Variants in FHIT observed in about 807,000 individuals in gnomAD.
FHIT encodes the protein fragile histidine triad diadenosine triphosphatase.
In FHIT, 19 loss-of-function variants were observed where a neutral mutation model predicts 17.9. The observed-to-expected ratio is 1.06, with a 90% CI of 0.74 to 1.56. The LOEUF is 1.56. Ranked by LOEUF, FHIT falls within the 40% of genes most tolerant of loss-of-function variation. The probability of loss-of-function intolerance (pLI) is 0.00; values close to 1 mark genes in which losing one functional copy is unlikely to be tolerated. For missense variants in FHIT, 248 were observed against 189.2 expected (o/e 1.31, Z -1.82); for synonymous variants, 81 against 69.7 (o/e 1.16, Z -0.81).
rs1307890159 is a variant in FHIT at position 61,002,897 on chromosome 3, C to T, written c.-111+39150G>A. On this transcript the variant is annotated intron_variant, in intron 3 of 9. Transcript: ENST00000492590. ...TCTGATAGTTGCTTGCCTGGAATCC[C>T]TTCAATGGCTTAGCAAACTCTATGG... 2.0e-5 allele frequency among the ~76,000 whole-genome samples: 3 copies of T among 152,098 alleles called. No individual in the cohort carries two copies. The East Asian group carries it at 5.8e-4, about 29-fold the overall frequency.
At chr3:59,894,098 G>A (rs1703966107) in intron 8 of FHIT, among the ~76,000 whole-genome samples, 1 of 151,974 alleles carries the variant, frequency 6.6e-6, no homozygotes, top group Admixed American at 6.6e-5. Context: ...ACAAAAAATA[G>A]CCTGGTGTGG....
chr3:60,577,634 T>A (rs184489722), intron 4 of FHIT, among the ~76,000 whole-genome samples: 4 of 152,172 alleles, frequency 2.6e-5, no homozygotes, highest in African/African-American at 9.7e-5. Context: ...AAAAATTGTT[T>A]GCACACTGAG....
intron 3 of FHIT, among the ~76,000 whole-genome samples, chr3:60,853,280 A>G (rs546846967): frequency 1.4e-4 from 22 of 152,270 alleles, no homozygotes; most frequent in Non-Finnish European, 2.6e-4. Context: ...TTCTAAATAA[A>G]AATATTTCTT....
intron 3 of FHIT, among the ~76,000 whole-genome samples, chr3:60,968,793 GTGTT>G (rs1241275605): frequency 2.0e-5 from 3 of 151,994 alleles, no homozygotes; most frequent in Non-Finnish European, 4.4e-5. Flanking sequence ...ATGAATGAAT[GTGTT>G]TGTCAATTTT....
intron 2 of FHIT, among the ~76,000 whole-genome samples, chr3:61,195,644 T>C (rs11707813): frequency 0.19 from 29,650 of 152,118 alleles, 3,285 homozygotes; most frequent in East Asian, 0.44. Context: ...AAATTTTTTT[T>C]AAGTAGCCAT....
At chr3:60,680,169 T>C (rs1401434079) in intron 4 of FHIT, among the ~76,000 whole-genome samples, 1 of 152,218 alleles carries the variant, frequency 6.6e-6, no homozygotes, top group Non-Finnish European at 1.5e-5. Context: ...GCTCTGTGAA[T>C]GATAATCTTC....
At chr3:60,857,122 A>G (rs1252447659) in intron 3 of FHIT, among the ~76,000 whole-genome samples, 2 of 152,176 alleles carry the variant, frequency 1.3e-5, no homozygotes, top group African/African-American at 2.4e-5. Flanking sequence ...AAGCCTGAAC[A>G]TACATACAAT....
At chr3:59,865,782 C>A (rs900332620) in intron 8 of FHIT, among the ~76,000 whole-genome samples, 2 of 152,198 alleles carry the variant, frequency 1.3e-5, no homozygotes, top group Non-Finnish European at 2.9e-5. Context: ...CCCAGCCACT[C>A]CTTCACCTCC....
intron 3 of FHIT, among the ~76,000 whole-genome samples, chr3:60,910,610 C>A (rs1294469978): frequency 1.3e-5 from 2 of 152,076 alleles, no homozygotes; most frequent in Non-Finnish European, 2.9e-5. Flanking sequence ...GACGGGGTTT[C>A]ACCGTGTTAG....
intron 4 of FHIT, among the ~76,000 whole-genome samples, chr3:60,759,085 G>A (rs924059999): frequency 1.5e-4 from 23 of 152,104 alleles, no homozygotes; most frequent in African/African-American, 4.6e-4. Context: ...TGTAGCAGAG[G>A]AAGTAAGGAG....
At chr3:60,544,872 C>T (rs758620797) in intron 4 of FHIT, among the ~76,000 whole-genome samples, 5 of 152,180 alleles carry the variant, frequency 3.3e-5, no homozygotes, top group Non-Finnish European at 7.4e-5. Flanking sequence ...GCTGGGATTA[C>T]AAGCATGAGC....
intron 3 of FHIT, among the ~76,000 whole-genome samples, chr3:60,860,001 G>A (rs1553750945): frequency 1.0e-5 from 1 of 98,342 alleles, no homozygotes; most frequent in African/African-American, 4.5e-5. Flanking sequence ...CCGAGATTGT[G>A]CCATTGCACT....
At chr3:60,001,817 T>G (rs1176517310) in intron 7 of FHIT, among the ~76,000 whole-genome samples, 2 of 152,074 alleles carry the variant, frequency 1.3e-5, no homozygotes, top group Non-Finnish European at 2.9e-5. Context: ...GCCAAACAGT[T>G]TCATCAAAAT....
At chr3:61,186,221 A>C (rs2038504302) in intron 2 of FHIT, among the ~76,000 whole-genome samples, 1 of 152,202 alleles carries the variant, frequency 6.6e-6, no homozygotes, top group South Asian at 2.1e-4. Flanking sequence ...GAAGAACTTG[A>C]AAAGCAGCAT....
intron 7 of FHIT, among the ~76,000 whole-genome samples, chr3:59,971,393 G>A (rs1398910936): frequency 6.6e-6 from 1 of 152,080 alleles, no homozygotes; most frequent in African/African-American, 2.4e-5. Context: ...TGTGTCCAGA[G>A]ACTGAGGACA....
chr3:60,418,409 TATATATATATATATATAC>T (rs774699953), intron 5 of FHIT, among the ~76,000 whole-genome samples: 5,382 of 127,766 alleles, frequency 0.042, 684 homozygotes, highest in East Asian at 0.19. Flanking sequence ...TATATATATA[TATATATATATATATATAC>T]GTGTATACAC....
At chr3:61,097,338 A>G (rs1043040259) in intron 2 of FHIT, among the ~76,000 whole-genome samples, 1 of 152,218 alleles carries the variant, frequency 6.6e-6, no homozygotes, top group African/African-American at 2.4e-5. Context: ...TTCTTTATCC[A>G]GTCTATCATT....
chr3:60,631,359 CAG>C (rs2039437216), intron 4 of FHIT, among the ~76,000 whole-genome samples: 1 of 152,094 alleles, frequency 6.6e-6, no homozygotes, highest in Admixed American at 6.5e-5. Context: ...GAAAATTTTC[CAG>C]AGAGCCTAAA....
chr3:60,127,677 C>T (rs191751108), intron 5 of FHIT, among the ~76,000 whole-genome samples: 27 of 152,296 alleles, frequency 1.8e-4, no homozygotes, highest in Admixed American at 5.9e-4. Context: ...TCTAGGCCCA[C>T]TGTAGCCTCC....
Sources: allele counts gnomAD v4.1 joint callset (sites outside exome capture counted in the v4.1 genomes callset), GRCh38; gene constraint gnomAD v4.1.1; transcripts MANE v1.5; gene names NCBI Gene and HGNC (gene_info 2026-07-23, HGNC 2026-07-21).